NEK1: variants seen among roughly 807,000 people sequenced by gnomAD.
NEK1 encodes NIMA related kinase 1.
A neutral mutation model predicts 182.1 loss-of-function variants in NEK1; 137 were observed. The observed-to-expected ratio is 0.75, with a 90% CI of 0.65 to 0.87. The LOEUF (loss-of-function observed/expected upper bound fraction) is 0.87. NEK1 is among the 40% of genes least tolerant of loss of function. NEK1 has a pLI of 0.00. For synonymous variants in NEK1, 513 were observed against 492.2 expected (o/e 1.04, Z -0.56); for missense variants, 1,391 against 1,494.4 (o/e 0.93, Z 1.14).
At chr4:169,442,362 A>G (rs1479892150) in intron 27 of NEK1, among the ~76,000 whole-genome samples, 1 of 152,146 alleles carries the variant, frequency 6.6e-6, no homozygotes, top group Non-Finnish European at 1.5e-5. Flanking sequence ...AAATCATATG[A>G]AGACTGCACT....
Position 169,406,650 on chromosome 4 carries a change from A to G in NEK1, c.3320T>C (p.Ile1107Thr), listed in dbSNP as rs777383824. The change falls in exon 32 of 36, where the codon ATA becomes ACA. Residue 1107 changes from isoleucine to threonine, a missense_variant. By Grantham distance (89) the Ile-to-Thr change is moderately conservative. Coordinates refer to ENST00000507142, the MANE Select transcript of NEK1 (RefSeq NM_001199397.3). ...VGDVRQDNLEIDEIEDENIKE... is the reference protein window; with the variant it reads ...VGDVRQDNLETDEIEDENIKE... ...AATGTTTTCATCTTCAATTTCATCT[A>G]TTTCAAGATTGTCTTGACGAACATC... 9.9e-6 allele frequency: 16 copies of G among 1,608,662 alleles called. No individual in the cohort carries two copies. In the South Asian group the frequency reaches 1.8e-4, roughly 18 times the overall value.
chr4:169,540,894 G>A (rs1759298435), intron 18 of NEK1, among the ~76,000 whole-genome samples: 1 of 151,510 alleles, frequency 6.6e-6, no homozygotes, highest in Non-Finnish European at 1.5e-5. Flanking sequence ...GCCCTGACAA[G>A]AGAAGGGGAG....
chr4:169,569,869 T>C (rs1309456244), intron 12 of NEK1, among the ~76,000 whole-genome samples: 1 of 152,190 alleles, frequency 6.6e-6, no homozygotes, highest in Non-Finnish European at 1.5e-5. Flanking sequence ...CCGCCTGCCT[T>C]GGCCTTCCAA....
At chr4:169,415,040 T>TA (rs1287396041) in intron 31 of NEK1, among the ~76,000 whole-genome samples, 1 of 152,180 alleles carries the variant, frequency 6.6e-6, no homozygotes, top group African/African-American at 2.4e-5. Context: ...ACCAACAACA[T>TA]AGAGCACTGC....
chr4:169,453,478 T>C (rs573535482), intron 27 of NEK1, among the ~76,000 whole-genome samples: 2 of 152,252 alleles, frequency 1.3e-5, no homozygotes, highest in South Asian at 4.1e-4. Context: ...CTGGCTATAA[T>C]CAAAATCTCT....
intron 26 of NEK1, among the ~76,000 whole-genome samples, chr4:169,472,454 G>C (rs1357259541): frequency 6.6e-6 from 1 of 152,150 alleles, no homozygotes; most frequent in African/African-American, 2.4e-5. Flanking sequence ...CTCTCCCTCT[G>C]TGGGCTGCAC....
intron 23 of NEK1, among the ~76,000 whole-genome samples, chr4:169,505,139 GTTGGAAATATT>G (rs1324300369): frequency 6.6e-6 from 1 of 151,958 alleles, no homozygotes; most frequent in African/African-American, 2.4e-5. Flanking sequence ...TCTGCCCTTA[GTTGGAAATATT>G]TTATATAATT....
At chr4:169,429,040 T>C (rs1273741731) in intron 29 of NEK1, among the ~76,000 whole-genome samples, 1 of 151,178 alleles carries the variant, frequency 6.6e-6, no homozygotes, top group African/African-American at 2.4e-5. Context: ...GCAATTTTTT[T>C]TTCAACCAAA....
At chr4:169,542,758 CTTT>C (rs58369712) in intron 18 of NEK1, among the ~76,000 whole-genome samples, 2 of 147,484 alleles carry the variant, frequency 1.4e-5, no homozygotes, top group Non-Finnish European at 3.0e-5. Context: ...TGATGAAGAG[CTTT>C]TTTTTTTTCA....
In NEK1 at chr4:169,394,368, T is replaced by C; in HGVS notation, c.*142A>G. The C allele has an allele frequency of 3.6e-6, 2 of 556,836 alleles. No homozygotes were observed. The highest frequency in any genetic ancestry group is 6.7e-5 in the East Asian group (2 of 30,058). 34.5% of individuals were successfully genotyped at this position (556,836 alleles called of 1,614,324 possible). ...CACTGAAAAATGGCATGTTTCTCCATCTTTTTCATGCAATAAGAAAGTCCA... is the reference window on the plus strand; with the variant it reads ...CACTGAAAAATGGCATGTTTCTCCACCTTTTTCATGCAATAAGAAAGTCCA... On this transcript the variant is annotated 3_prime_UTR_variant, in exon 36 of 36. Transcript: ENST00000507142.
At chr4:169,399,379 C>T (rs2110991494) in intron 35 of NEK1, among the ~76,000 whole-genome samples, 1 of 152,168 alleles carries the variant, frequency 6.6e-6, no homozygotes, top group Middle Eastern at 3.4e-3. Context: ...GAGTTCAAGA[C>T]CAGCCTGGCC....
chr4:169,483,142 A>G (rs1748397253), intron 23 of NEK1, among the ~76,000 whole-genome samples: 1 of 152,202 alleles, frequency 6.6e-6, no homozygotes, highest in Admixed American at 6.5e-5. Context: ...CCTAATTTCA[A>G]TATTATTTTG....
At chr4:169,593,361 T>A (rs1482086504) in intron 5 of NEK1, among the ~76,000 whole-genome samples, 4 of 152,112 alleles carry the variant, frequency 2.6e-5, no homozygotes, top group African/African-American at 9.7e-5. Context: ...GGGGCCAAAT[T>A]TGGTTCATGG....
chr4:169,490,590 CATG>C (rs151238290), intron 23 of NEK1, among the ~76,000 whole-genome samples: 1,990 of 151,850 alleles, frequency 0.013, 38 homozygotes, highest in African/African-American at 0.045. Context: ...CAAAATAATC[CATG>C]ATATGAATCA....
At chr4:169,564,869 A>G (rs529762265) in intron 12 of NEK1, among the ~76,000 whole-genome samples, 1 of 152,300 alleles carries the variant, frequency 6.6e-6, no homozygotes, top group East Asian at 1.9e-4. Flanking sequence ...TTAAATGATC[A>G]TAAGCCAATT....
chr4:169,576,908 G>A lies in NEK1; in HGVS notation c.1020+20C>T, dbSNP rs758696113. On this transcript the variant is annotated intron_variant, in intron 12 of 35. Coordinates refer to ENST00000507142, the MANE Select transcript of NEK1 (RefSeq NM_001199397.3). ...TGAATTGAATTTGTTATTAACACAT[G>A]GTATGTAACATGATCATACCTGTTT... 29 of 1,574,380 alleles carry A rather than the reference G, an allele frequency of 1.8e-5. No homozygotes were observed. Among genetic ancestry groups the A allele is most frequent in the Non-Finnish European group, 2.4e-5 (28 of 1,158,728 alleles).
intron 12 of NEK1, among the ~76,000 whole-genome samples, chr4:169,569,542 G>A (rs1764310451): frequency 6.8e-6 from 1 of 147,902 alleles, no homozygotes; most frequent in South Asian, 2.2e-4. Context: ...CTGATGCCGA[G>A]CCGAAGCTGG....
chr4:169,583,014 C>A (rs1175856848), intron 10 of NEK1, among the ~76,000 whole-genome samples: 2 of 152,190 alleles, frequency 1.3e-5, no homozygotes, highest in East Asian at 3.9e-4. Flanking sequence ...GCCCTATCAA[C>A]CACGGTTGAT....
chr4:169,548,491 C>T (rs1760897488), intron 18 of NEK1, among the ~76,000 whole-genome samples: 3 of 152,238 alleles, frequency 2.0e-5, no homozygotes, highest in African/African-American at 2.4e-5. Context: ...AGAGCTCAAA[C>T]TCTGTGCTGG....
Sources: gnomAD v4.1 joint callset for allele counts (sites outside exome capture counted in the v4.1 genomes callset) on GRCh38, gnomAD v4.1.1 for gene constraint, MANE v1.5 for transcripts, NCBI Gene and HGNC (gene_info 2026-07-23, HGNC 2026-07-21) for gene names.